SIPA1L3: variants seen among roughly 807,000 people sequenced by gnomAD.
SIPA1L3 encodes signal-induced proliferation-associated 1-like protein 3.
Under a neutral mutation model 150.1 loss-of-function variants are expected in SIPA1L3, and 59 were observed. That is an observed-to-expected ratio of 0.39 (90% CI 0.32 to 0.49). The LOEUF (loss-of-function observed/expected upper bound fraction) is 0.49, where lower values mean the gene tolerates loss of function less well. Ranked by LOEUF, SIPA1L3 falls within the 20% of genes least tolerant of loss-of-function variation. The probability of loss-of-function intolerance (pLI) is 0.86; values close to 1 mark genes in which losing one functional copy is unlikely to be tolerated. For synonymous variants in SIPA1L3, 1,070 were observed against 1,077.6 expected, an observed-to-expected ratio of 0.99 and a Z score of 0.14; for missense variants, 2,211 against 2,489.5, an observed-to-expected ratio of 0.89 and a Z score of 2.38.
intron 3 of SIPA1L3, among the ~76,000 whole-genome samples, chr19:38,084,063 G>C (rs1174766323): frequency 6.6e-6 from 1 of 151,914 alleles, no homozygotes; most frequent in East Asian, 1.9e-4. Context: ...ACATAGAAGG[G>C]ACTCTCCTGT....
At chr19:37,985,486 GAGAAAGAAA>G (rs951658343) in intron 1 of SIPA1L3, among the ~76,000 whole-genome samples, 1 of 152,180 alleles carries the variant, frequency 6.6e-6, no homozygotes, top group African/African-American at 2.4e-5. Flanking sequence ...AATAGAGAGA[GAGAAAGAAA>G]AGAAAGGAAA....
At chr19:38,094,743 G>C (rs931546566) in intron 4 of SIPA1L3, among the ~76,000 whole-genome samples, 11 of 152,028 alleles carry the variant, frequency 7.2e-5, no homozygotes, top group Admixed American at 7.2e-4. Context: ...GACCAACCTG[G>C]ACAACGTAGC....
At chr19:38,077,962 C>T (rs531737239) in intron 2 of SIPA1L3, among the ~76,000 whole-genome samples, 34 of 152,186 alleles carry the variant, frequency 2.2e-4, no homozygotes, top group African/African-American at 6.7e-4. Flanking sequence ...TGAGCCACTG[C>T]GCCTGGCCAA....
chr19:38,095,661 C>G (rs2145849123), intron 4 of SIPA1L3, among the ~76,000 whole-genome samples: 1 of 152,276 alleles, frequency 6.6e-6, no homozygotes, highest in Non-Finnish European at 1.5e-5. Flanking sequence ...GCAGGGAGAC[C>G]TGGAGGAGGC....
chr19:38,101,024 C>T, intron 5 of SIPA1L3, 28 bp from the exon 6 acceptor site: 1 of 1,507,410 alleles, frequency 6.6e-7, no homozygotes. Context: ...CCTGGCCTGC[C>T]TCCACAAAGC....
At chr19:38,196,767 CGAGGGGGGAGCAAGGAGGCT>C (rs1340638275) in intron 18 of SIPA1L3, among the ~76,000 whole-genome samples, 1 of 150,826 alleles carries the variant, frequency 6.6e-6, no homozygotes, top group Non-Finnish European at 1.5e-5. Flanking sequence ...GCCAGGAGGC[CGAGGGGGGAGCAAGGAGGCT>C]GAGGGACGAG....
chr19:38,184,186 CT>C lies in SIPA1L3; in HGVS notation c.4430+1455del, dbSNP rs1010231574. Among the ~76,000 whole-genome samples the C allele has an allele frequency of 4.6e-5, 7 of 151,036 alleles. No homozygotes were observed. The South Asian group carries it at 6.3e-4, about 14-fold the overall frequency. ...GACCTGTCCTCCCCCCACCCCACCC[CT>C]TTTTTTTTGAGACGGAGTTTCATTC... On this transcript the variant is annotated intron_variant, in intron 16 of 21. Transcript: ENST00000222345.
chr19:37,928,912 A>G (rs571509810), intron 1 of SIPA1L3, among the ~76,000 whole-genome samples: 18 of 152,152 alleles, frequency 1.2e-4, no homozygotes, highest in East Asian at 3.9e-4. Flanking sequence ...CCTTCAAGCC[A>G]CTCTGCCATC....
intron 1 of SIPA1L3, among the ~76,000 whole-genome samples, chr19:37,971,048 G>A (rs1352988952): frequency 6.6e-6 from 1 of 151,964 alleles, no homozygotes; most frequent in Non-Finnish European, 1.5e-5. Context: ...TCAGGCAGTT[G>A]TGTTTTTTTT....
At chr19:38,104,881 T>C (rs1000581810) in intron 6 of SIPA1L3, among the ~76,000 whole-genome samples, 1 of 151,232 alleles carries the variant, frequency 6.6e-6, no homozygotes, top group Admixed American at 6.6e-5. Flanking sequence ...AGGAAGTGGG[T>C]TCTCTTAGAG....
intron 1 of SIPA1L3, among the ~76,000 whole-genome samples, chr19:37,918,922 A>G (rs1246949846): frequency 6.7e-6 from 1 of 149,542 alleles, no homozygotes; most frequent in East Asian, 2.0e-4. Flanking sequence ...AAATAAACAA[A>G]CTGCTGCTTT....
intron 18 of SIPA1L3, among the ~76,000 whole-genome samples, chr19:38,196,441 A>ATGG (rs1972943374): frequency 1.4e-5 from 2 of 147,876 alleles, no homozygotes; most frequent in African/African-American, 5.1e-5. Flanking sequence ...AGGGCAGAGC[A>ATGG]AGGAGGTCAA....
intron 1 of SIPA1L3, among the ~76,000 whole-genome samples, chr19:38,027,201 T>C (rs1397814977): frequency 1.3e-5 from 2 of 152,064 alleles, no homozygotes; most frequent in Admixed American, 1.3e-4. Flanking sequence ...TGAGGCAGAA[T>C]TGCTTGAGTC....
intron 20 of SIPA1L3, 57 bp downstream of exon 20, chr19:38,202,054 A>G: frequency 6.5e-7 from 1 of 1,533,260 alleles, no homozygotes; most frequent in South Asian, 1.3e-5. Flanking sequence ...GTGCAGTGGA[A>G]GAGGCTTACC....
chr19:38,090,330 CA>C (rs55941671), intron 4 of SIPA1L3, among the ~76,000 whole-genome samples: 893 of 70,344 alleles, frequency 0.013, 4 homozygotes, highest in African/African-American at 0.028. Context: ...AACTCCATCT[CA>C]AAAAAAAAAA....
intron 9 of SIPA1L3, among the ~76,000 whole-genome samples, chr19:38,126,016 A>C (rs1323085256): frequency 6.6e-6 from 1 of 152,072 alleles, no homozygotes; most frequent in Non-Finnish European, 1.5e-5. Flanking sequence ...TACTAAACAT[A>C]CGAAAAAATT....
chr19:38,020,578 T>C (rs1181822747), intron 1 of SIPA1L3, among the ~76,000 whole-genome samples: 1 of 152,220 alleles, frequency 6.6e-6, no homozygotes, highest in Non-Finnish European at 1.5e-5. Flanking sequence ...CCGCAGCCCC[T>C]GAGCCTGGGG....
At position 37,975,973 on chromosome 19, in the gene SIPA1L3, C is replaced by T. The variant is rs538636160; in HGVS notation, c.-378-53116C>T. On this transcript the variant is annotated intron_variant, in intron 1 of 21. Transcript: ENST00000222345. Reference sequence around the variant, plus strand: ...TAGAAAAATTAGTCATGCGTGGTGGCGGGCGCCAGTAATCTCAGCTACTTG... The same window carrying T: ...TAGAAAAATTAGTCATGCGTGGTGGTGGGCGCCAGTAATCTCAGCTACTTG... Among the ~76,000 whole-genome samples, 11 of 152,128 alleles carry T rather than the reference C, an allele frequency of 7.2e-5. No homozygotes were observed. The East Asian group carries it at 7.7e-4, about 11-fold the overall frequency.
Position 37,958,344 on chromosome 19 carries a change from G to A in SIPA1L3, c.-379+50986G>A, listed in dbSNP as rs1016853233. The stretch of plus-strand genomic sequence containing the variant: ...GGAGGCTGAGGTGGGAGGATCACCT[G>A]AGCCCAGAGGGATCAAGGCTGCAGT... On this transcript the variant is annotated intron_variant, in intron 1 of 21. Coordinates refer to ENST00000222345, the MANE Select transcript of SIPA1L3 (RefSeq NM_015073.3). 5.3e-5 allele frequency among the ~76,000 whole-genome samples: 8 copies of A among 152,234 alleles called. No homozygotes were observed. The East Asian group carries it at 1.5e-3, about 29-fold the overall frequency.
Sources: allele counts gnomAD v4.1 joint callset (sites outside exome capture counted in the v4.1 genomes callset), GRCh38; gene constraint gnomAD v4.1.1; transcripts MANE v1.5; gene names NCBI Gene and HGNC (gene_info 2026-07-23, HGNC 2026-07-21).